Variants in CORIN observed in about 807,000 individuals in gnomAD.
CORIN encodes atrial natriuretic peptide-converting enzyme.
CORIN carries 117 observed loss-of-function variants against 125.3 expected under a neutral mutation model. The observed-to-expected ratio is 0.93, with a 90% CI of 0.80 to 1.09. The LOEUF is 1.09. CORIN is among the 50% of genes least tolerant of loss of function. The probability of loss-of-function intolerance (pLI) is 0.00; values close to 1 mark genes in which losing one functional copy is unlikely to be tolerated. For synonymous variants in CORIN, 450 were observed against 466.4 expected (o/e 0.96, Z 0.45); for missense variants, 1,253 against 1,306.7 (o/e 0.96, Z 0.63).
At chr4:47,600,175 G>C in intron 21 of CORIN, 39 bp downstream of exon 21, 1 of 1,577,866 alleles carries the variant, frequency 6.3e-7, no homozygotes, top group Non-Finnish European at 8.6e-7. Flanking sequence ...TGAAGTTATT[G>C]TTGAACTGAA....
At position 47,674,608 on chromosome 4, in the gene CORIN, A is replaced by G. The variant is rs945210116; in HGVS notation, c.1250-108T>C. The G allele has an allele frequency of 7.0e-6, 5 of 717,362 alleles. No individual in the cohort carries two copies. In the African/African-American group the frequency reaches 7.0e-5, roughly 10 times the overall value. 44.4% of individuals were successfully genotyped at this position (717,362 alleles called of 1,614,324 possible). ...TGGAGCTGAGGAATAACACAACTTT[A>G]ATTTCCTTCCAATTTCTCCAAAAGT... On this transcript the variant is annotated intron_variant, in intron 9 of 21. Transcript: ENST00000273857.
rs527329174 is a variant in CORIN, at chr4:47,617,380, C to T, written c.2540+6191G>A. Among the ~76,000 whole-genome samples, 70 of 152,316 alleles carry T rather than the reference C, an allele frequency of 4.6e-4. 1 individual carries two copies. The highest frequency in any genetic ancestry group is 5.4e-4 in the Non-Finnish European group (37 of 68,030). ...GAAAGACACAGGCAAGTAACCACAA[C>T]AATTTAAAACGAGAGAGCTCCAAGT... On this transcript the variant is annotated intron_variant, in intron 19 of 21. Transcript: ENST00000273857.
intron 3 of CORIN, among the ~76,000 whole-genome samples, chr4:47,781,036 T>C (rs2109906328): frequency 6.6e-6 from 1 of 150,866 alleles, no homozygotes; most frequent in Middle Eastern, 3.5e-3. Flanking sequence ...AGCTACAAGG[T>C]ATATAAAAAA....
At chr4:47,661,428 A>G (rs1640513037) in intron 12 of CORIN, 1 of 276,848 alleles carries the variant, frequency 3.6e-6, no homozygotes, top group Admixed American at 5.0e-5. Context: ...CCTGTATCAA[A>G]ATATTTTAGG....
chr4:47,736,753 C>A (rs1050067737), intron 5 of CORIN, among the ~76,000 whole-genome samples: 4 of 152,192 alleles, frequency 2.6e-5, no homozygotes, highest in African/African-American at 4.8e-5. Flanking sequence ...TATGCCTTGT[C>A]CTTCATGGAA....
At chr4:47,662,544 T>C (rs1724298818) in intron 11 of CORIN, among the ~76,000 whole-genome samples, 1 of 152,176 alleles carries the variant, frequency 6.6e-6, no homozygotes, top group Non-Finnish European at 1.5e-5. Flanking sequence ...TCACAGAAGA[T>C]TTCTTTACTT....
At chr4:47,709,544 G>A (rs768942098) in intron 5 of CORIN, among the ~76,000 whole-genome samples, 14 of 151,814 alleles carry the variant, frequency 9.2e-5, no homozygotes, top group Non-Finnish European at 1.0e-4. Context: ...CACCCATCTC[G>A]GCCTCTCAAA....
chr4:47,684,903 G>A (rs1271103141), intron 6 of CORIN, among the ~76,000 whole-genome samples: 2 of 149,596 alleles, frequency 1.3e-5, no homozygotes, highest in African/African-American at 4.9e-5. Context: ...AAAGGCAGCG[G>A]GAGGTGAGAG....
chr4:47,768,030 G>T (rs1407519630), intron 3 of CORIN, among the ~76,000 whole-genome samples: 1 of 152,092 alleles, frequency 6.6e-6, no homozygotes. Flanking sequence ...AGTGAAAATG[G>T]CCTGTTCTTG....
intron 1 of CORIN, among the ~76,000 whole-genome samples, chr4:47,817,234 G>T (rs1732311487): frequency 6.6e-6 from 1 of 151,442 alleles, no homozygotes; most frequent in African/African-American, 2.4e-5. Context: ...CAATCAAAAA[G>T]AAGTGGCAGA....
intron 16 of CORIN, among the ~76,000 whole-genome samples, chr4:47,639,904 C>T (rs1345118663): frequency 1.3e-5 from 2 of 152,168 alleles, no homozygotes; most frequent in South Asian, 4.1e-4. Context: ...TCATGAGCCA[C>T]TCAAGTCAAC....
chr4:47,686,473 G>A (rs1488709345), intron 6 of CORIN, among the ~76,000 whole-genome samples: 1 of 151,978 alleles, frequency 6.6e-6, no homozygotes, highest in Non-Finnish European at 1.5e-5. Context: ...CTCAGCAGAG[G>A]GCGCTATTTC....
chr4:47,712,044 C>G (rs1409930027), intron 5 of CORIN, among the ~76,000 whole-genome samples: 1 of 152,188 alleles, frequency 6.6e-6, no homozygotes, highest in Non-Finnish European at 1.5e-5. Flanking sequence ...TAGCTGAAAT[C>G]TTCCTGGAAT....
chr4:47,737,174 AG>A (rs1301925200), intron 5 of CORIN, among the ~76,000 whole-genome samples: 4 of 152,240 alleles, frequency 2.6e-5, no homozygotes, highest in African/African-American at 9.6e-5. Flanking sequence ...GAAAAACCAG[AG>A]GTAGACGGAG....
intron 16 of CORIN, among the ~76,000 whole-genome samples, chr4:47,627,791 C>T (rs1344350944): frequency 6.6e-6 from 1 of 152,074 alleles, no homozygotes; most frequent in African/African-American, 2.4e-5. Flanking sequence ...CCAGGTAAAG[C>T]CAAAAGAAGA....
chr4:47,669,600 GCT>G (rs1179024107), intron 10 of CORIN, among the ~76,000 whole-genome samples: 1 of 140,272 alleles, frequency 7.1e-6, no homozygotes, highest in African/African-American at 2.7e-5. Context: ...ACAGAGTCTC[GCT>G]CTGTCACCCA....
chr4:47,744,217 C>A (rs752241689), intron 5 of CORIN, among the ~76,000 whole-genome samples, 185 bp downstream of exon 5: 4 of 151,766 alleles, frequency 2.6e-5, no homozygotes, highest in African/African-American at 9.7e-5. Flanking sequence ...TGACAGGCAG[C>A]GGGCTTGAAG....
intron 10 of CORIN, among the ~76,000 whole-genome samples, chr4:47,669,585 T>TG (rs1553909427): frequency 1.9e-4 from 29 of 149,328 alleles, no homozygotes; most frequent in East Asian, 1.7e-3. Flanking sequence ...TTTTTTTTTT[T>TG]TGTGACAGAG....
intron 5 of CORIN, among the ~76,000 whole-genome samples, chr4:47,737,867 A>G (rs948598029): frequency 1.3e-5 from 2 of 152,090 alleles, no homozygotes; most frequent in African/African-American, 2.4e-5. Flanking sequence ...GCTCTCCACA[A>G]TGCCCCATTA....
Sources: allele counts gnomAD v4.1 joint callset (sites outside exome capture counted in the v4.1 genomes callset), GRCh38; gene constraint gnomAD v4.1.1; transcripts MANE v1.5; gene names NCBI Gene and HGNC (gene_info 2026-07-23, HGNC 2026-07-21).